The following ZNF682 variants were observed in gnomAD, a reference collection of about 807,000 sequenced individuals.
ZNF682 encodes zinc finger protein 682.
A neutral mutation model predicts 36.5 loss-of-function variants in ZNF682; 29 were observed. That is an observed-to-expected ratio of 0.80 (90% confidence interval 0.59 to 1.08). The LOEUF is 1.08. Among genes scored for constraint, ZNF682 ranks in the 50% least tolerant of loss-of-function variants. The probability of loss-of-function intolerance (pLI) is 0.00; values close to 1 mark genes in which losing one functional copy is unlikely to be tolerated. For missense variants in ZNF682, 561 were observed against 579.7 expected (o/e 0.97, Z 0.33); for synonymous variants, 180 against 197.0 (o/e 0.91, Z 0.72).
intron 3 of ZNF682, among the ~76,000 whole-genome samples, chr19:20,018,078 CTTTTTTTTTTTTTTTTTT>C (rs71172554): frequency 1.2e-4 from 7 of 58,676 alleles, no homozygotes; most frequent in African/African-American, 4.4e-4. Context: ...TTCTCAAATT[CTTTTTTTTTTTTTTTTTT>C]TTTTTTTTTT....
chr19:20,012,763 G>A (rs1176308080), intron 3 of ZNF682, among the ~76,000 whole-genome samples: 10 of 90,352 alleles, frequency 1.1e-4, no homozygotes, highest in African/African-American at 3.7e-4. Flanking sequence ...GCAAGACTCC[G>A]TCTCAAAAAA....
At chr19:20,031,466 G>T (rs1158376448) in intron 1 of ZNF682, among the ~76,000 whole-genome samples, 1 of 152,184 alleles carries the variant, frequency 6.6e-6, no homozygotes, top group African/African-American at 2.4e-5. Context: ...TGCAGAAAAT[G>T]TTTCCTATGG....
chr19:20,000,018 A>T (rs148350994), downstream of ZNF682, among the ~76,000 whole-genome samples: 587 of 152,350 alleles, frequency 3.9e-3, 3 homozygotes, highest in Middle Eastern at 0.024. Flanking sequence ...CTCTTCTATT[A>T]TAAAACCAAG....
intron 1 of ZNF682, among the ~76,000 whole-genome samples, chr19:20,029,275 C>T (rs1269829739): frequency 1.3e-5 from 2 of 151,342 alleles, no homozygotes; most frequent in African/African-American, 4.8e-5. Context: ...GTCACCGCAC[C>T]CAGCCTTTCT....
intron 3 of ZNF682, among the ~76,000 whole-genome samples, chr19:20,016,659 A>G (rs974850243): frequency 1.3e-5 from 2 of 152,134 alleles, no homozygotes; most frequent in Non-Finnish European, 2.9e-5. Context: ...ATAAAAGCAA[A>G]ATAATACTGC....
downstream of ZNF682, among the ~76,000 whole-genome samples, chr19:19,996,123 C>G (rs1310960529): frequency 2.0e-5 from 3 of 152,216 alleles, no homozygotes; most frequent in Non-Finnish European, 4.4e-5. Context: ...AGCTCTATGT[C>G]CATCTGCATT....
rs1226956003 is a variant in ZNF682 at position 20,006,094 on chromosome 19, C to G, written c.1408G>C (p.Glu470Gln). 17 of 1,613,854 alleles carry G rather than the reference C, an allele frequency of 1.1e-5. No homozygotes were observed. The highest frequency in any genetic ancestry group is 1.4e-5 in the Non-Finnish European group (16 of 1,179,978). Residue 470 changes from glutamate to glutamine, a missense_variant, in exon 4 of 4, where the codon GAA becomes CAA. Glu to Gln is a conservative substitution (Grantham distance 29). Transcript: ENST00000397165. ...KAFKRCSHLN[E>Q]HKRVQRGEKS... is the part of the protein sequence containing the mutation. ...TCTCCTCTTTGAACTCTCTTATGTT[C>G]ATTAAGATGTGAGCACCGTTTAAAA...
At chr19:19,998,614 A>G (rs1004817678) in intron 3 of ZNF682, among the ~76,000 whole-genome samples, 33 of 152,206 alleles carry the variant, frequency 2.2e-4, no homozygotes, top group Non-Finnish European at 3.4e-4. Context: ...TAGGCCTCAT[A>G]AGAAGCTGGA....
At chr19:20,015,680 G>A in intron 3 of ZNF682, 1 of 388,412 alleles carries the variant, frequency 2.6e-6, no homozygotes, top group Non-Finnish European at 4.5e-6. Flanking sequence ...TGAATCAAGA[G>A]CATACAGTTA....
chr19:20,026,312 AC>A (rs1241561650), intron 1 of ZNF682, among the ~76,000 whole-genome samples: 1 of 151,462 alleles, frequency 6.6e-6, no homozygotes. Context: ...CAAAAAAAAA[AC>A]ATCCTGTTTC....
In ZNF682 at chr19:20,024,309, G is replaced by A; in HGVS notation, c.71C>T (p.Ala24Val). The stretch of plus-strand genomic sequence containing the variant: ...CACTTTCCTATACAAACTCTGCTGA[G>A]CAGGGTTCAGAAACTCCCACTCCTC... Reference protein sequence around the residue: ...SLEEWEFLNPAQQSLYRKVML... With the variant: ...SLEEWEFLNPVQQSLYRKVML... The change falls in exon 2 of 4, where the codon GCT (alanine) becomes GTT (valine). Residue 24 changes from alanine to valine, a missense_variant. Coordinates refer to ENST00000397165, the MANE Select transcript of ZNF682 (RefSeq NM_033196.3). The A allele has an allele frequency of 6.2e-7, 1 of 1,614,042 alleles. No homozygotes were observed.
chr19:20,001,758 C>T (rs182009416), downstream of ZNF682, among the ~76,000 whole-genome samples: 3 of 152,310 alleles, frequency 2.0e-5, no homozygotes. Context: ...TCTGTGTTAA[C>T]AGAATCTTCT....
chr19:20,017,727 C>T (rs1162125398), intron 3 of ZNF682, among the ~76,000 whole-genome samples: 1 of 151,984 alleles, frequency 6.6e-6, no homozygotes, highest in Non-Finnish European at 1.5e-5. Flanking sequence ...ACATACAGAA[C>T]GTTCCAGTTA....
chr19:20,039,458 T>A lies in ZNF682; in HGVS notation c.-113A>T, dbSNP rs1448696965. ...CGGGAACTACTAGAGCAGAGGATAC[T>A]AAGCAATGAAGATGGACCCTGAGCT... is the stretch of plus-strand genomic sequence containing the variant. On this transcript the variant is annotated 5_prime_UTR_variant, in exon 1 of 4. Coordinates refer to ENST00000397165, the MANE Select transcript of ZNF682 (RefSeq NM_033196.3). 6.9e-7 allele frequency: 1 copy of A among 1,439,518 alleles called. No homozygotes were observed. The highest frequency in any genetic ancestry group is 9.5e-7 in the Non-Finnish European group (1 of 1,049,174). The allele number at this position is 1,439,518 out of a possible 1,614,324, so 89.2% of individuals were successfully genotyped here.
downstream of ZNF682, among the ~76,000 whole-genome samples, chr19:19,999,559 C>T (rs183285799): frequency 2.8e-3 from 429 of 151,220 alleles, no homozygotes; most frequent in South Asian, 8.2e-3. Flanking sequence ...TTTCTTGAGA[C>T]GGAGTCTCGC....
Position 20,024,365 on chromosome 19 carries a change from T to A in ZNF682, c.15A>T (p.Thr5=), listed in dbSNP as rs756393690. 1 of 1,610,652 alleles carries A rather than the reference T, an allele frequency of 6.2e-7. No homozygotes were observed. The highest frequency in any genetic ancestry group is 8.5e-7 in the Non-Finnish European group (1 of 1,178,936). Residue 5 remains threonine, a synonymous_variant, in exon 2 of 4, where the codon ACA becomes ACT. Transcript: ENST00000397165. The part of the protein sequence containing the change: MELL[T]FRDVTIEFSL... Reference sequence around the variant, plus strand: ...AGAATTCTATGGTCACATCCCTGAATGTCAACAGTTCCTGAAAAACAAAAC... The same window carrying A: ...AGAATTCTATGGTCACATCCCTGAAAGTCAACAGTTCCTGAAAAACAAAAC...
At chr19:20,036,624 A>G (rs1269141512) in intron 1 of ZNF682, among the ~76,000 whole-genome samples, 2 of 151,076 alleles carry the variant, frequency 1.3e-5, no homozygotes, top group Admixed American at 1.3e-4. Context: ...AAAAAAAAAA[A>G]AAAAAGATTT....
chr19:20,010,418 G>A (rs1412130925), intron 3 of ZNF682, among the ~76,000 whole-genome samples: 1 of 152,108 alleles, frequency 6.6e-6, no homozygotes, highest in Non-Finnish European at 1.5e-5. Flanking sequence ...CCAGCGCTTT[G>A]GGAGGCTGAG....
chr19:20,036,606 CAAAAAAA>C (rs71172557), intron 1 of ZNF682, among the ~76,000 whole-genome samples: 1 of 71,454 alleles, frequency 1.4e-5, no homozygotes. Flanking sequence ...AACTCCATCT[CAAAAAAA>C]AAAAAAAAAA....
Sources: allele counts gnomAD v4.1 joint callset (sites outside exome capture counted in the v4.1 genomes callset), GRCh38; gene constraint gnomAD v4.1.1; transcripts MANE v1.5; gene names NCBI Gene and HGNC (gene_info 2026-07-23, HGNC 2026-07-21).